ABCC6: variants seen among roughly 807,000 people sequenced by gnomAD.
ABCC6 encodes the protein ATP binding cassette subfamily C member 6, also known as ATP-binding cassette sub-family C member 6.
ABCC6 carries 126 observed loss-of-function variants against 169.5 expected under a neutral mutation model. The observed-to-expected ratio is 0.74, with a 90% CI of 0.64 to 0.86. ABCC6 has a LOEUF of 0.86. Among genes scored for constraint, ABCC6 ranks in the 40% least tolerant of loss-of-function variants. The pLI is 0.00. For synonymous variants in ABCC6, 752 were observed against 814.7 expected (o/e 0.92, Z 1.31); for missense variants, 1,733 against 1,927.2 (o/e 0.90, Z 1.89).
At chr16:16,156,802 G>T (rs2046564630) in intron 27 of ABCC6, among the ~76,000 whole-genome samples, 1 of 151,878 alleles carries the variant, frequency 6.6e-6, no homozygotes, top group African/African-American at 2.4e-5. Flanking sequence ...AATTAGCCGG[G>T]TGTGGTGGCA....
At chr16:16,211,834 A>G (rs2048633276) in intron 6 of ABCC6, among the ~76,000 whole-genome samples, 1 of 152,030 alleles carries the variant, frequency 6.6e-6, no homozygotes, top group Non-Finnish European at 1.5e-5. Context: ...AGTATTGGAG[A>G]CAATTCTAAT....
chr16:16,154,483 G>A (rs1271009345), intron 29 of ABCC6, 145 bp downstream of exon 29: 1 of 1,053,902 alleles, frequency 9.5e-7, no homozygotes, highest in Non-Finnish European at 1.4e-6. Flanking sequence ...TCAGAGCTTG[G>A]AATTGCAGAT....
intron 4 of ABCC6, among the ~76,000 whole-genome samples, 183 bp downstream of exon 4, chr16:16,219,371 G>GTATGC (rs1447971694): frequency 1.3e-5 from 2 of 152,210 alleles, no homozygotes; most frequent in African/African-American, 4.8e-5. Flanking sequence ...GATAAGAAAT[G>GTATGC]TATGGGATGA....
At chr16:16,199,393 T>C (rs1315914372) in intron 9 of ABCC6, among the ~76,000 whole-genome samples, 1 of 132,452 alleles carries the variant, frequency 7.5e-6, no homozygotes, top group Admixed American at 8.2e-5. Flanking sequence ...GTCACAGGCC[T>C]TGTAAGCTCC....
chr16:16,209,942 G>C (rs922706041), intron 6 of ABCC6, among the ~76,000 whole-genome samples: 2 of 151,960 alleles, frequency 1.3e-5, no homozygotes, highest in Admixed American at 6.6e-5. Flanking sequence ...TGTTGGCCAG[G>C]CTGGTCTCGA....
At chr16:16,214,095 A>G (rs2152295337) in intron 5 of ABCC6, among the ~76,000 whole-genome samples, 1 of 152,266 alleles carries the variant, frequency 6.6e-6, no homozygotes, top group Non-Finnish European at 1.5e-5. Flanking sequence ...TTTGCGTTCA[A>G]TGGCAGAGTT....
intron 9 of ABCC6, among the ~76,000 whole-genome samples, chr16:16,200,780 T>C (rs1007427402): frequency 4.6e-5 from 7 of 151,412 alleles, no homozygotes; most frequent in African/African-American, 1.7e-4. Flanking sequence ...CTGCCCTGGC[T>C]CAGATGCTCC....
chr16:16,162,848 G>C (rs886833814), intron 24 of ABCC6, 145 bp downstream of exon 24: 1 of 1,088,824 alleles, frequency 9.2e-7, no homozygotes, highest in East Asian at 2.4e-5. Context: ...CCCACGGTGA[G>C]AACTGATAGA....
intron 20 of ABCC6, among the ~76,000 whole-genome samples, chr16:16,175,025 C>T (rs940255448): frequency 4.0e-5 from 6 of 151,804 alleles, no homozygotes; most frequent in East Asian, 3.9e-4. Flanking sequence ...GTGATCCACC[C>T]GCTTCAGTTT....
chr16:16,214,268 G>A, intron 5 of ABCC6, 56 bp downstream of exon 5: 1 of 1,545,810 alleles, frequency 6.5e-7, no homozygotes, highest in Non-Finnish European at 8.8e-7. Flanking sequence ...TGGTCACCTG[G>A]GGGAGACTGA....
At chr16:16,165,957 G>A in intron 22 of ABCC6, 24 bp from the exon 23 acceptor site, 1 of 1,610,342 alleles carries the variant, frequency 6.2e-7, no homozygotes, top group Non-Finnish European at 8.5e-7. Context: ...GGAGGTAAGA[G>A]CATGAGGGCT....
At chr16:16,171,931 ATGGG>A (rs1469756382) in intron 21 of ABCC6, among the ~76,000 whole-genome samples, 5 of 79,814 alleles carry the variant, frequency 6.3e-5, no homozygotes, top group Non-Finnish European at 1.2e-4. Context: ...GGGTGGATAA[ATGGG>A]TGGGTGGGAT....
chr16:16,172,429 T>C (rs917721393), intron 21 of ABCC6, among the ~76,000 whole-genome samples: 1 of 71,272 alleles, frequency 1.4e-5, no homozygotes, highest in Non-Finnish European at 2.6e-5. Context: ...GCTAAATGAG[T>C]GGGTGGGATG....
At chr16:16,188,225 C>A (rs376548747) in intron 13 of ABCC6, among the ~76,000 whole-genome samples, 169 of 125,444 alleles carry the variant, frequency 1.3e-3, no homozygotes, top group Middle Eastern at 4.1e-3. Flanking sequence ...ACTAAAAATA[C>A]AAAAAAAAAA....
At chr16:16,191,264 C>T (rs987766965) in intron 11 of ABCC6, among the ~76,000 whole-genome samples, 8 of 152,154 alleles carry the variant, frequency 5.3e-5, no homozygotes, top group Middle Eastern at 6.8e-3. Flanking sequence ...TACAGGCGCC[C>T]GCCACCACGC....
intron 6 of ABCC6, among the ~76,000 whole-genome samples, chr16:16,211,315 C>A (rs1248715947): frequency 6.7e-6 from 1 of 150,256 alleles, no homozygotes; most frequent in African/African-American, 2.5e-5. Context: ...GCAGGAGAAT[C>A]GCTTGAACCC....
At chr16:16,187,718 T>C (rs1440433825) in intron 13 of ABCC6, among the ~76,000 whole-genome samples, 1 of 151,866 alleles carries the variant, frequency 6.6e-6, no homozygotes, top group Non-Finnish European at 1.5e-5. Flanking sequence ...ATAGCAAGAC[T>C]CTTTGTTTCT....
chr16:16,190,105 C>T, intron 12 of ABCC6, 59 bp downstream of exon 12: 2 of 1,589,648 alleles, frequency 1.3e-6, no homozygotes, highest in Non-Finnish European at 8.6e-7. Context: ...CCTCACCCTG[C>T]CCCCACCCCC....
intron 23 of ABCC6, among the ~76,000 whole-genome samples, chr16:16,164,683 G>T (rs940724823): frequency 6.6e-6 from 1 of 152,118 alleles, no homozygotes; most frequent in African/African-American, 2.4e-5. Context: ...TAAGCCAGTG[G>T]TTCCTAAACA....
Sources: gnomAD v4.1 joint callset for allele counts (sites outside exome capture counted in the v4.1 genomes callset) on GRCh38, gnomAD v4.1.1 for gene constraint, MANE v1.5 for transcripts, NCBI Gene and HGNC (gene_info 2026-07-23, HGNC 2026-07-21) for gene names.